The following SORCS2 variants were observed in gnomAD, a reference collection of about 807,000 sequenced individuals.
SORCS2 encodes the protein sortilin related VPS10 domain containing receptor 2.
SORCS2 carries 100 observed loss-of-function variants against 141.6 expected under a neutral mutation model. The ratio of observed to expected loss-of-function variants is 0.71; its 90% CI spans 0.60 to 0.83. SORCS2 has a LOEUF of 0.83. SORCS2 is among the 40% of genes least tolerant of loss of function. The probability of loss-of-function intolerance (pLI) is 0.00; values close to 1 mark genes in which losing one functional copy is unlikely to be tolerated. For synonymous variants in SORCS2, 789 were observed against 676.9 expected (o/e 1.17, Z -2.57); for missense variants, 1,646 against 1,560.2 (o/e 1.05, Z -0.93).
At position 7,434,148 on chromosome 4, in the gene SORCS2, C is replaced by T. The variant is rs182795537; in HGVS notation, c.548+37793C>T. On this transcript the variant is annotated intron_variant, in intron 2 of 26. Transcript: ENST00000507866. ...ATCCCCCCTTCCTGCAGAGCTCCTG[C>T]GGGGGGAGAAGCCTCAGTGCTTGGT... 4,322 of 1,613,754 alleles carry T rather than the reference C, an allele frequency of 2.7e-3. 17 individuals are homozygous for T. The highest frequency in any genetic ancestry group is 0.019 in the African/African-American group (1,435 of 75,044).
intron 3 of SORCS2, among the ~76,000 whole-genome samples, chr4:7,561,763 C>G (rs531691209): frequency 1.0e-4 from 11 of 105,218 alleles, no homozygotes; most frequent in African/African-American, 4.6e-4. Flanking sequence ...ATCTCTCCCT[C>G]AATCCATCTG....
intron 1 of SORCS2, among the ~76,000 whole-genome samples, chr4:7,244,781 A>C (rs1410380339): frequency 6.6e-6 from 1 of 152,184 alleles, no homozygotes; most frequent in African/African-American, 2.4e-5. Context: ...GGCCATTGGG[A>C]AAAGGAGGCT....
At chr4:7,719,940 C>T (rs1280485774) in intron 18 of SORCS2, among the ~76,000 whole-genome samples, 1 of 152,168 alleles carries the variant, frequency 6.6e-6, no homozygotes, top group Non-Finnish European at 1.5e-5. Flanking sequence ...CCCCACCCCA[C>T]TGTGCACCTA....
chr4:7,436,362 C>G (rs892964870), intron 2 of SORCS2, among the ~76,000 whole-genome samples: 9 of 152,246 alleles, frequency 5.9e-5, no homozygotes, highest in African/African-American at 2.2e-4. Context: ...CCAGGGCACC[C>G]ACTCGCATCC....
At chr4:7,227,906 A>G (rs1711534568) in intron 1 of SORCS2, among the ~76,000 whole-genome samples, 1 of 152,104 alleles carries the variant, frequency 6.6e-6, no homozygotes, top group African/African-American at 2.4e-5. Flanking sequence ...CGGGGAGGGC[A>G]TGGACACCTG....
chr4:7,549,044 A>G (rs1178986662), intron 3 of SORCS2, among the ~76,000 whole-genome samples: 1 of 152,020 alleles, frequency 6.6e-6, no homozygotes, highest in African/African-American at 2.4e-5. Flanking sequence ...CCACATGGCC[A>G]TGGCAGGAGT....
chr4:7,420,948 C>A (rs993893318), intron 2 of SORCS2, among the ~76,000 whole-genome samples: 3 of 152,224 alleles, frequency 2.0e-5, no homozygotes, highest in Admixed American at 1.3e-4. Context: ...CAGGGGACAG[C>A]AGGGTGCCCA....
intron 19 of SORCS2, among the ~76,000 whole-genome samples, chr4:7,724,766 A>ATGG (rs58744929): frequency 1.8e-3 from 36 of 19,506 alleles, no homozygotes; most frequent in Non-Finnish European, 2.9e-3. Context: ...GGTGTTGGTG[A>ATGG]TGATGGTGGT....
At chr4:7,575,931 A>G (rs1715720548) in intron 3 of SORCS2, among the ~76,000 whole-genome samples, 4 of 152,234 alleles carry the variant, frequency 2.6e-5, no homozygotes, top group Admixed American at 2.6e-4. Flanking sequence ...TGACAACTGA[A>G]TGATCTGAGT....
At chr4:7,530,136 A>G (rs1733932552) in intron 2 of SORCS2, among the ~76,000 whole-genome samples, 1 of 152,238 alleles carries the variant, frequency 6.6e-6, no homozygotes, top group Non-Finnish European at 1.5e-5. Flanking sequence ...AACGTCTCCA[A>G]GTAGAAACCA....
chr4:7,615,156 T>C (rs1391127707), intron 3 of SORCS2, among the ~76,000 whole-genome samples: 1 of 151,674 alleles, frequency 6.6e-6, no homozygotes, highest in East Asian at 1.9e-4. Flanking sequence ...CACTCATTCA[T>C]TCATTCATTC....
chr4:7,688,183 T>C (rs1487993846), intron 10 of SORCS2, among the ~76,000 whole-genome samples: 2 of 152,190 alleles, frequency 1.3e-5, no homozygotes, highest in African/African-American at 4.8e-5. Flanking sequence ...AGAGAGAGGA[T>C]ACCTCTGACG....
intron 1 of SORCS2, among the ~76,000 whole-genome samples, chr4:7,240,036 C>T (rs1712582933): frequency 6.6e-6 from 1 of 152,192 alleles, no homozygotes; most frequent in African/African-American, 2.4e-5. Context: ...GGAATCTGAG[C>T]TTCCTCACTG....
At chr4:7,307,648 G>C (rs937173791) in intron 1 of SORCS2, among the ~76,000 whole-genome samples, 4 of 152,242 alleles carry the variant, frequency 2.6e-5, no homozygotes, top group Non-Finnish European at 5.9e-5. Context: ...GAGGGAAGCG[G>C]CTGAGGGTGG....
intron 2 of SORCS2, among the ~76,000 whole-genome samples, chr4:7,497,835 C>A (rs1731723286): frequency 6.6e-6 from 1 of 152,234 alleles, no homozygotes; most frequent in African/African-American, 2.4e-5. Context: ...AAATCCATGG[C>A]CTAAAATGCC....
At chr4:7,215,961 G>A (rs1006559348) in intron 1 of SORCS2, among the ~76,000 whole-genome samples, 263 of 151,758 alleles carry the variant, frequency 1.7e-3, no homozygotes, top group African/African-American at 5.9e-3. Flanking sequence ...AGCCAGCAGT[G>A]GCAACCCGCT....
intron 11 of SORCS2, among the ~76,000 whole-genome samples, chr4:7,690,682 C>T (rs531051702): frequency 4.0e-5 from 6 of 151,554 alleles, no homozygotes; most frequent in Non-Finnish European, 8.8e-5. Context: ...GGATGGATGA[C>T]GAATGAATGA....
chr4:7,451,900 C>G (rs1560295838), intron 2 of SORCS2, among the ~76,000 whole-genome samples: 3 of 152,204 alleles, frequency 2.0e-5, no homozygotes, highest in Admixed American at 6.5e-5. Context: ...GCAGGCAGCA[C>G]CTTCCTCCTC....
chr4:7,488,188 G>A (rs987667859), intron 2 of SORCS2, among the ~76,000 whole-genome samples: 2 of 152,224 alleles, frequency 1.3e-5, no homozygotes, highest in Non-Finnish European at 2.9e-5. Flanking sequence ...CCAGGCTCCC[G>A]TGGGCCGGCT....
Sources: gnomAD v4.1 joint callset for allele counts (sites outside exome capture counted in the v4.1 genomes callset) on GRCh38, gnomAD v4.1.1 for gene constraint, MANE v1.5 for transcripts, NCBI Gene and HGNC (gene_info 2026-07-23, HGNC 2026-07-21) for gene names.